Variants in STXBP5 observed in about 807,000 individuals in gnomAD.
STXBP5 encodes syntaxin binding protein 5, also known as syntaxin-binding protein 5.
A neutral mutation model predicts 152.4 loss-of-function variants in STXBP5; 50 were observed. The ratio of observed to expected loss-of-function variants is 0.33; its 90% CI spans 0.26 to 0.42. The LOEUF (loss-of-function observed/expected upper bound fraction) is 0.42. Among genes scored for constraint, STXBP5 ranks in the 10% least tolerant of loss-of-function variants. STXBP5 has a pLI of 1.00. For synonymous variants in STXBP5, 492 were observed against 494.7 expected, an observed-to-expected ratio of 0.99 and a Z score of 0.07; for missense variants, 1,167 against 1,388.6, an observed-to-expected ratio of 0.84 and a Z score of 2.54.
intron 21 of STXBP5, among the ~76,000 whole-genome samples, chr6:147,342,808 G>A (rs758731161): frequency 5.9e-5 from 9 of 151,964 alleles, no homozygotes; most frequent in Non-Finnish European, 1.2e-4. Context: ...ATATCCTTAT[G>A]AATAAAATAC....
At chr6:147,369,429 A>T (rs2128416933) in intron 25 of STXBP5, among the ~76,000 whole-genome samples, 1 of 152,194 alleles carries the variant, frequency 6.6e-6, no homozygotes, top group East Asian at 1.9e-4. Context: ...ATTAGCCATG[A>T]CACCAAAAGC....
In STXBP5 at chr6:147,235,070, G is replaced by A. The variant is rs562331968; in HGVS notation, c.249-180G>A. On this transcript the variant is annotated intron_variant, in intron 2 of 27. Coordinates refer to ENST00000321680, the MANE Select transcript of STXBP5 (RefSeq NM_001127715.4). ...TGTTTTGTTTAAACCTGTAATCTCT[G>A]AGACTTCTCAACAGAAACTATTAGA... Among the ~76,000 whole-genome samples the A allele has an allele frequency of 3.9e-5, 6 of 152,106 alleles. No individual in the cohort carries two copies. In the East Asian group the frequency reaches 1.2e-3, roughly 29 times the overall value.
At chr6:147,277,965 A>T in intron 7 of STXBP5, 116 bp from the exon 8 acceptor site, 1 of 903,420 alleles carries the variant, frequency 1.1e-6, no homozygotes, top group Non-Finnish European at 1.6e-6. Context: ...TTAAGTTCAC[A>T]TGTTAACCTT....
intron 2 of STXBP5, among the ~76,000 whole-genome samples, chr6:147,225,032 T>C (rs75234335): frequency 0.021 from 3,218 of 152,258 alleles, 97 homozygotes; most frequent in African/African-American, 0.073. Flanking sequence ...TCAAAATACT[T>C]AAAAAGGTTT....
At chr6:147,290,287 A>G (rs1026912400) in intron 8 of STXBP5, among the ~76,000 whole-genome samples, 2 of 152,194 alleles carry the variant, frequency 1.3e-5, no homozygotes, top group East Asian at 1.9e-4. Context: ...GAAGGTAAAT[A>G]TAAAGGATAC....
At chr6:147,329,778 A>C (rs970012295) in intron 18 of STXBP5, among the ~76,000 whole-genome samples, 1 of 151,648 alleles carries the variant, frequency 6.6e-6, no homozygotes, top group African/African-American at 2.4e-5. Flanking sequence ...GGCGCCCGCT[A>C]CCGCACCCGG....
At position 147,384,695 on chromosome 6, in the gene STXBP5, C is replaced by CT. The variant is rs768426429; in HGVS notation, c.3415-11dup. The CT allele has an allele frequency of 1.4e-5, 22 of 1,603,784 alleles. No individual in the cohort carries two copies. The highest frequency in any genetic ancestry group is 2.2e-5 in the South Asian group (2 of 89,136). ...TCCGGCATTTTAAAAGCATGTTTTT[C>CT]TTTTTTTTCCCCCTTTAGATTATGT... On this transcript the variant is annotated intron_variant, in intron 27 of 27. Transcript: ENST00000321680.
At chr6:147,296,122 A>G (rs1438690176) in intron 9 of STXBP5, among the ~76,000 whole-genome samples, 2 of 152,078 alleles carry the variant, frequency 1.3e-5, no homozygotes, top group African/African-American at 4.8e-5. Flanking sequence ...CTGCAGTACT[A>G]CATGTCCTTG....
intron 4 of STXBP5, among the ~76,000 whole-genome samples, chr6:147,244,556 G>A (rs1201974753): frequency 6.6e-6 from 1 of 151,928 alleles, no homozygotes; most frequent in Non-Finnish European, 1.5e-5. Flanking sequence ...ATTAATGAAT[G>A]GTGTCTTATA....
chr6:147,321,936 A>G (rs1040894251), intron 16 of STXBP5, among the ~76,000 whole-genome samples: 1 of 152,142 alleles, frequency 6.6e-6, no homozygotes, highest in East Asian at 1.9e-4. Context: ...ACCATTTTGC[A>G]TCATGTTTGG....
intron 25 of STXBP5, among the ~76,000 whole-genome samples, chr6:147,371,912 T>TA (rs1004246402): frequency 9.9e-5 from 15 of 152,172 alleles, no homozygotes; most frequent in Admixed American, 2.0e-4. Context: ...TTTTACGTTG[T>TA]AACAATTTAA....
chr6:147,275,386 T>C (rs1780385585), intron 7 of STXBP5, among the ~76,000 whole-genome samples: 1 of 151,920 alleles, frequency 6.6e-6, no homozygotes, highest in African/African-American at 2.4e-5. Flanking sequence ...GTCTTCACTT[T>C]TTTTTCTCTA....
intron 26 of STXBP5, among the ~76,000 whole-genome samples, chr6:147,378,362 C>G (rs1256445863): frequency 6.8e-6 from 1 of 147,490 alleles, no homozygotes; most frequent in South Asian, 2.2e-4. Context: ...GATAATATAC[C>G]AAGACCAAGT....
chr6:147,368,284 A>T lies in STXBP5; in HGVS notation c.3081+4118A>T, dbSNP rs180719474. Among the ~76,000 whole-genome samples the T allele has an allele frequency of 5.4e-3, 823 of 152,242 alleles. 5 individuals carry two copies. Among genetic ancestry groups the T allele is most frequent in the African/African-American group, 0.018 (768 of 41,578 alleles). On this transcript the variant is annotated intron_variant, in intron 25 of 27. Transcript: ENST00000321680. ...AAAAAAAAAAAATTTTTGCAAATTG[A>T]ATTCAGCAATATATCAAAGGGATAA...
At chr6:147,294,034 T>TAA (rs1411787010) in intron 9 of STXBP5, among the ~76,000 whole-genome samples, 1 of 152,200 alleles carries the variant, frequency 6.6e-6, no homozygotes, top group East Asian at 1.9e-4. Context: ...ATAAAGCAAA[T>TAA]AAAACTTAGA....
At chr6:147,349,741 C>A (rs150350365) in intron 21 of STXBP5, among the ~76,000 whole-genome samples, 2 of 152,056 alleles carry the variant, frequency 1.3e-5, no homozygotes, top group African/African-American at 4.8e-5. Flanking sequence ...GAAGTATATC[C>A]CTGCCCTCTG....
In STXBP5 at chr6:147,388,018, C is replaced by T. The variant is rs779804153; in HGVS notation, c.*3263C>T. On this transcript the variant is annotated 3_prime_UTR_variant, in exon 28 of 28. Coordinates refer to ENST00000321680, the MANE Select transcript of STXBP5 (RefSeq NM_001127715.4). ...TTTGCTTAAGGCATTTCTCATGTGACATTAGAAAAGCTATATCCAAAGGTA... is the reference window on the plus strand; with the variant it reads ...TTTGCTTAAGGCATTTCTCATGTGATATTAGAAAAGCTATATCCAAAGGTA... The T allele has an allele frequency of 6.6e-6, 1 of 151,768 alleles. No homozygotes were observed. The highest frequency in any genetic ancestry group is 1.5e-5 in the Non-Finnish European group (1 of 67,776). 9.4% of individuals were successfully genotyped at this position (151,768 alleles called of 1,614,324 possible).
chr6:147,291,007 T>C, intron 8 of STXBP5, 87 bp from the exon 9 acceptor site: 2 of 950,790 alleles, frequency 2.1e-6, no homozygotes, highest in Non-Finnish European at 3.1e-6. Flanking sequence ...GATTTCATTA[T>C]ATTTCACTTT....
chr6:147,363,877 C>T (rs2128414044), intron 24 of STXBP5, 124 bp from the exon 25 acceptor site: 7 of 1,358,454 alleles, frequency 5.2e-6, no homozygotes, highest in Non-Finnish European at 7.0e-6. Flanking sequence ...CATTTTTTAT[C>T]TCCCACTCAA....
Sources: gnomAD v4.1 joint callset for allele counts (sites outside exome capture counted in the v4.1 genomes callset) on GRCh38, gnomAD v4.1.1 for gene constraint, MANE v1.5 for transcripts, NCBI Gene and HGNC (gene_info 2026-07-23, HGNC 2026-07-21) for gene names.